Variants in GALNT17 observed in about 807,000 individuals in gnomAD.
The protein encoded by GALNT17 is polypeptide N-acetylgalactosaminyltransferase 17.
A neutral mutation model predicts 63.7 loss-of-function variants in GALNT17; 29 were observed. The observed-to-expected ratio is 0.46, with a 90% CI of 0.34 to 0.62. The LOEUF (loss-of-function observed/expected upper bound fraction) is 0.62, where lower values mean the gene tolerates loss of function less well. Ranked by LOEUF, GALNT17 falls within the 20% of genes least tolerant of loss-of-function variation. The probability of loss-of-function intolerance (pLI) is 0.01; values close to 1 mark genes in which losing one functional copy is unlikely to be tolerated. For synonymous variants in GALNT17, 305 were observed against 318.3 expected (o/e 0.96, Z 0.45); for missense variants, 603 against 799.6 (o/e 0.75, Z 2.97).
At chr7:71,263,709 G>A (rs1405845127) in intron 1 of GALNT17, among the ~76,000 whole-genome samples, 3 of 152,000 alleles carry the variant, frequency 2.0e-5, no homozygotes, top group East Asian at 3.9e-4. Context: ...GGATCACTAG[G>A]TCAGGAGATC....
At chr7:71,156,661 C>A (rs1788241500) in intron 1 of GALNT17, among the ~76,000 whole-genome samples, 1 of 146,512 alleles carries the variant, frequency 6.8e-6, no homozygotes, top group Non-Finnish European at 1.5e-5. Flanking sequence ...TGCCTCCCTT[C>A]CTTCTTCCCT....
In GALNT17 at chr7:71,602,683, CCCA is replaced by C. The variant is rs548836567; in HGVS notation, c.1080+31282_1080+31284del. 2.0e-4 allele frequency among the ~76,000 whole-genome samples: 30 copies of C among 152,174 alleles called. 2 individuals carry two copies. The South Asian group carries it at 6.2e-3, about 32-fold the overall frequency. ...TGACAGGCCAGATCATTTTCAGGCT[CCCA>C]GATTAATTGTAGATTGTCAGAGGGC... On this transcript the variant is annotated intron_variant, in intron 6 of 10. Transcript: ENST00000333538.
intron 3 of GALNT17, among the ~76,000 whole-genome samples, chr7:71,404,515 T>C (rs1348708520): frequency 2.6e-5 from 4 of 152,154 alleles, no homozygotes; most frequent in Admixed American, 1.3e-4. Flanking sequence ...ATTATTTAAG[T>C]CTGCAAAGCT....
At chr7:71,443,319 T>G (rs1206128361) in intron 5 of GALNT17, among the ~76,000 whole-genome samples, 1 of 152,128 alleles carries the variant, frequency 6.6e-6, no homozygotes, top group African/African-American at 2.4e-5. Flanking sequence ...CATGACGGTC[T>G]TTACACGCAC....
intron 1 of GALNT17, among the ~76,000 whole-genome samples, chr7:71,322,498 A>G (rs1215528634): frequency 6.6e-6 from 1 of 152,154 alleles, no homozygotes; most frequent in Non-Finnish European, 1.5e-5. Flanking sequence ...GCGAAAATGT[A>G]CCTCCAGTAT....
At chr7:71,199,965 G>T (rs913179953) in intron 1 of GALNT17, among the ~76,000 whole-genome samples, 1 of 152,152 alleles carries the variant, frequency 6.6e-6, no homozygotes, top group Non-Finnish European at 1.5e-5. Flanking sequence ...TTTCTAGTGA[G>T]TTGAGATAAT....
chr7:71,137,381 C>T (rs1371414502), intron 1 of GALNT17, among the ~76,000 whole-genome samples: 2 of 152,192 alleles, frequency 1.3e-5, no homozygotes, highest in African/African-American at 2.4e-5. Context: ...CCTCGTGATC[C>T]ACCCGCCTCG....
At chr7:71,405,844 G>A (rs962127315) in intron 3 of GALNT17, among the ~76,000 whole-genome samples, 1 of 152,160 alleles carries the variant, frequency 6.6e-6, no homozygotes, top group Non-Finnish European at 1.5e-5. Context: ...GCATTGATTG[G>A]CATTTAACAT....
chr7:71,570,155 T>G (rs190648569), intron 5 of GALNT17, among the ~76,000 whole-genome samples: 13 of 152,194 alleles, frequency 8.5e-5, no homozygotes, highest in African/African-American at 2.9e-4. Flanking sequence ...ACTTGTGCCT[T>G]TAGCCTTCCC....
intron 1 of GALNT17, among the ~76,000 whole-genome samples, chr7:71,325,201 T>C (rs1791683464): frequency 6.6e-6 from 1 of 152,226 alleles, no homozygotes; most frequent in African/African-American, 2.4e-5. Flanking sequence ...CTGCAATGGC[T>C]GCAATTTGTG....
chr7:71,171,659 G>C (rs1308525410), intron 1 of GALNT17, among the ~76,000 whole-genome samples: 1 of 152,188 alleles, frequency 6.6e-6, no homozygotes, highest in East Asian at 1.9e-4. Flanking sequence ...GAAGATTCTG[G>C]GATGTTGCCA....
At position 71,187,014 on chromosome 7, in the gene GALNT17, A is replaced by G. The variant is rs183459041; in HGVS notation, c.238+53974A>G. Among the ~76,000 whole-genome samples, 537 of 152,268 alleles carry G rather than the reference A, an allele frequency of 3.5e-3. 2 individuals carry two copies. Among genetic ancestry groups the G allele is most frequent in the African/African-American group, 0.012 (502 of 41,554 alleles). ...CTGTTTTCTCTGGATTTTGTATTTA[A>G]AAGCAAAGCTTAAGTCTCTGACAGA... On this transcript the variant is annotated intron_variant, in intron 1 of 10. Coordinates refer to ENST00000333538, the MANE Select transcript of GALNT17 (RefSeq NM_022479.3).
At chr7:71,572,150 G>A (rs1789453704) in intron 6 of GALNT17, among the ~76,000 whole-genome samples, 1 of 151,844 alleles carries the variant, frequency 6.6e-6, no homozygotes, top group Non-Finnish European at 1.5e-5. Flanking sequence ...GCCGAGTCAG[G>A]AGGATCACAT....
At chr7:71,425,143 G>A (rs551669569) in intron 5 of GALNT17, among the ~76,000 whole-genome samples, 2 of 152,290 alleles carry the variant, frequency 1.3e-5, no homozygotes, top group East Asian at 1.9e-4. Context: ...AAGAGGTGGG[G>A]GAACTGAAGA....
intron 5 of GALNT17, among the ~76,000 whole-genome samples, chr7:71,522,731 C>T (rs1317278968): frequency 6.6e-6 from 1 of 152,142 alleles, no homozygotes; most frequent in African/African-American, 2.4e-5. Context: ...GCTTGGTTTT[C>T]AAGCCAGTGA....
At chr7:71,521,532 G>T (rs1788530238) in intron 5 of GALNT17, among the ~76,000 whole-genome samples, 1 of 152,208 alleles carries the variant, frequency 6.6e-6, no homozygotes, top group African/African-American at 2.4e-5. Flanking sequence ...TTGTGCTAAT[G>T]TGGCAGCCTT....
chr7:71,355,488 A>G (rs1792266573), intron 2 of GALNT17, among the ~76,000 whole-genome samples: 1 of 151,252 alleles, frequency 6.6e-6, no homozygotes, highest in Non-Finnish European at 1.5e-5. Context: ...ATAACTTTTT[A>G]AAAACATTAT....
intron 1 of GALNT17, among the ~76,000 whole-genome samples, chr7:71,315,665 C>T (rs1049150682): frequency 9.9e-5 from 15 of 152,152 alleles, no homozygotes; most frequent in Admixed American, 9.8e-4. Context: ...AACATGCAAT[C>T]ACTGAGGTTA....
intron 1 of GALNT17, among the ~76,000 whole-genome samples, chr7:71,215,107 T>C (rs747318161): frequency 2.6e-5 from 4 of 152,198 alleles, no homozygotes; most frequent in Non-Finnish European, 4.4e-5. Flanking sequence ...CCTTGATTGA[T>C]TTTGAAATGC....
Sources: allele counts gnomAD v4.1 joint callset (sites outside exome capture counted in the v4.1 genomes callset), GRCh38; gene constraint gnomAD v4.1.1; transcripts MANE v1.5; gene names NCBI Gene and HGNC (gene_info 2026-07-23, HGNC 2026-07-21).